Variants in DCTN4 observed in about 807,000 individuals in gnomAD.
DCTN4 encodes the protein dynactin 4 (p62).
A neutral mutation model predicts 62.7 loss-of-function variants in DCTN4; 23 were observed. The observed-to-expected ratio is 0.37, with a 90% confidence interval of 0.26 to 0.52. The LOEUF (loss-of-function observed/expected upper bound fraction) is 0.52, where lower values mean the gene tolerates loss of function less well. Ranked by LOEUF, DCTN4 falls within the 20% of genes least tolerant of loss-of-function variation. The pLI, the probability that DCTN4 is intolerant of heterozygous loss-of-function variation, is 0.92. For missense variants in DCTN4, 514 were observed against 580.4 expected (o/e 0.89, Z 1.18); for synonymous variants, 199 against 202.1 (o/e 0.98, Z 0.13).
At chr5:150,742,255 A>G (rs1033212722) in intron 3 of DCTN4, 98 bp from the exon 4 acceptor site, 4 of 1,201,628 alleles carry the variant, frequency 3.3e-6, no homozygotes, top group South Asian at 1.2e-5. Context: ...AACTTAAAAC[A>G]TAAGTTATAT....
intron 5 of DCTN4, chr5:150,731,770 G>C: frequency 1.0e-6 from 1 of 967,340 alleles, no homozygotes; most frequent in Non-Finnish European, 1.6e-6. Context: ...TCTAAGCTAC[G>C]GCTCAGGCAA....
chr5:150,727,541 C>T (rs1172790085), intron 8 of DCTN4, among the ~76,000 whole-genome samples: 1 of 151,978 alleles, frequency 6.6e-6, no homozygotes, highest in African/African-American at 2.4e-5. Context: ...TTTTGGGAGG[C>T]CGAGGCGGGC....
chr5:150,732,398 G>A (rs549685274), intron 5 of DCTN4, among the ~76,000 whole-genome samples: 1 of 152,126 alleles, frequency 6.6e-6, no homozygotes, highest in Non-Finnish European at 1.5e-5. Flanking sequence ...TGATCCCCCC[G>A]CCTCAGCCTC....
intron 3 of DCTN4, among the ~76,000 whole-genome samples, chr5:150,745,455 C>G (rs1760925972): frequency 1.3e-5 from 2 of 152,164 alleles, no homozygotes; most frequent in Admixed American, 1.3e-4. Flanking sequence ...TAGACATCTA[C>G]AGAACTCTCC....
Position 150,715,682 on chromosome 5 carries a change from G to A in DCTN4, c.1072-20C>T, listed in dbSNP as rs764390389. 4 of 1,606,150 alleles carry A rather than the reference G, an allele frequency of 2.5e-6. No individual in the cohort carries two copies. Among genetic ancestry groups the A allele is most frequent in the African/African-American group, 2.7e-5 (2 of 74,740 alleles). Reference sequence around the variant, plus strand: ...CACCACCTGGAGAGCAACACAGAGAGGCCTGCCTGAGAAGGGACCAGTGTG... The same window carrying A: ...CACCACCTGGAGAGCAACACAGAGAAGCCTGCCTGAGAAGGGACCAGTGTG... On this transcript the variant is annotated intron_variant, in intron 11 of 12. Coordinates refer to ENST00000447998, the MANE Select transcript of DCTN4 (RefSeq NM_016221.4).
chr5:150,741,380 T>A (rs1561703714), intron 4 of DCTN4, among the ~76,000 whole-genome samples: 1 of 152,196 alleles, frequency 6.6e-6, no homozygotes, highest in African/African-American at 2.4e-5. Context: ...CTTTGATGTG[T>A]ATAAAAATAC....
rs1397963153 is a variant in DCTN4, at chr5:150,708,807, T to G, written c.*2342A>C. 6.5e-6 allele frequency: 1 copy of G among 152,846 alleles called. No individual in the cohort carries two copies. Among genetic ancestry groups the G allele is most frequent in the African/African-American group, 2.4e-5 (1 of 41,478 alleles). The allele number at this position is 152,846 out of a possible 1,614,324, so 9.5% of individuals were successfully genotyped here. On this transcript the variant is annotated 3_prime_UTR_variant, in exon 13 of 13. Transcript: ENST00000447998. ...TAAGCAATAAGGCAAAACAGTAACC[T>G]GTCATTCATAAAGATCAAGGAGTAC...
intron 4 of DCTN4, among the ~76,000 whole-genome samples, chr5:150,739,781 A>G (rs1317737930): frequency 1.3e-5 from 2 of 152,210 alleles, no homozygotes; most frequent in East Asian, 3.8e-4. Context: ...CCAAATACTT[A>G]TAGCCAACTG....
chr5:150,726,158 T>C (rs1194042393), intron 8 of DCTN4, among the ~76,000 whole-genome samples: 2 of 152,218 alleles, frequency 1.3e-5, no homozygotes, highest in Non-Finnish European at 2.9e-5. Context: ...TTGTTTGAAA[T>C]AACTGTCTAA....
intron 8 of DCTN4, among the ~76,000 whole-genome samples, chr5:150,727,423 T>C (rs1403195372): frequency 6.6e-6 from 1 of 152,124 alleles, no homozygotes; most frequent in Non-Finnish European, 1.5e-5. Flanking sequence ...TTTAAAATTA[T>C]TTTTTTCTAC....
intron 12 of DCTN4, among the ~76,000 whole-genome samples, chr5:150,714,041 C>T (rs1166973501): frequency 6.6e-6 from 1 of 152,082 alleles, no homozygotes; most frequent in African/African-American, 2.4e-5. Context: ...TGCTTGAACT[C>T]GGGAGGTGGA....
At chr5:150,722,818 C>A in intron 9 of DCTN4, 89 bp downstream of exon 9, 8 of 898,430 alleles carry the variant, frequency 8.9e-6, no homozygotes, top group Admixed American at 3.1e-5. Context: ...TTTTTTAGGC[C>A]AAGAGTAAAC....
At chr5:150,718,771 A>G (rs917398009) in intron 10 of DCTN4, among the ~76,000 whole-genome samples, 47 of 152,168 alleles carry the variant, frequency 3.1e-4, no homozygotes, top group Non-Finnish European at 4.3e-4. Context: ...GCATGAACAG[A>G]GCAAAAATGG....
intron 8 of DCTN4, among the ~76,000 whole-genome samples, chr5:150,728,020 C>A (rs1212475401): frequency 3.3e-5 from 5 of 152,068 alleles, no homozygotes. Flanking sequence ...AAACTCTGAT[C>A]TAATGATAAA....
At chr5:150,744,816 G>C (rs1760902453) in intron 3 of DCTN4, among the ~76,000 whole-genome samples, 4 of 151,976 alleles carry the variant, frequency 2.6e-5, no homozygotes. Context: ...GGCACAACCG[G>C]TACCAGCCGC....
chr5:150,733,733 T>G, intron 4 of DCTN4: 1 of 342,644 alleles, frequency 2.9e-6, no homozygotes, highest in Non-Finnish European at 5.4e-6. Context: ...ACTTCATTAC[T>G]TATTTCCCCT....
intron 2 of DCTN4, among the ~76,000 whole-genome samples, chr5:150,754,245 C>T (rs1399849256): frequency 6.6e-6 from 1 of 152,218 alleles, no homozygotes; most frequent in Non-Finnish European, 1.5e-5. Flanking sequence ...AACTCTCCCA[C>T]CAGCACAGAT....
intron 5 of DCTN4, among the ~76,000 whole-genome samples, chr5:150,732,546 A>AAG (rs1760425592): frequency 6.6e-6 from 1 of 152,216 alleles, no homozygotes; most frequent in Admixed American, 6.5e-5. Flanking sequence ...TTGCTTAACT[A>AAG]GGTCCCATTT....
At chr5:150,719,826 T>C in intron 9 of DCTN4, 56 bp from the exon 10 acceptor site, 1 of 1,192,804 alleles carries the variant, frequency 8.4e-7, no homozygotes, top group Admixed American at 2.0e-5. Context: ...AAAATTATTA[T>C]TATTTTTTAA....
Sources: allele counts gnomAD v4.1 joint callset (sites outside exome capture counted in the v4.1 genomes callset), GRCh38; gene constraint gnomAD v4.1.1; transcripts MANE v1.5; gene names NCBI Gene and HGNC (gene_info 2026-07-23, HGNC 2026-07-21).